AP2S1: variants seen among roughly 807,000 people sequenced by gnomAD.
AP2S1 encodes AP-2 complex subunit sigma.
Under a neutral mutation model 21.0 loss-of-function variants are expected in AP2S1, and 6 were observed. The ratio of observed to expected loss-of-function variants is 0.29; its 90% confidence interval spans 0.16 to 0.56. The LOEUF (loss-of-function observed/expected upper bound fraction) is 0.56, where lower values mean the gene tolerates loss of function less well. AP2S1 is among the 20% of genes least tolerant of loss of function. The pLI is 0.92. For missense variants in AP2S1, 60 were observed against 186.2 expected (o/e 0.32, Z 3.95); for synonymous variants, 63 against 74.6 (o/e 0.84, Z 0.80).
intron 1 of AP2S1, among the ~76,000 whole-genome samples, chr19:46,847,967 G>A (rs1324323504): frequency 1.3e-5 from 2 of 152,124 alleles, no homozygotes; most frequent in African/African-American, 2.4e-5. Flanking sequence ...ATAGGGTAAC[G>A]CTATGTTTAA....
At chr19:46,844,117 G>C (rs1221107609) in intron 2 of AP2S1, among the ~76,000 whole-genome samples, 1 of 151,918 alleles carries the variant, frequency 6.6e-6, no homozygotes, top group Non-Finnish European at 1.5e-5. Flanking sequence ...CATCATGTTG[G>C]TCAGGCTGGT....
chr19:46,850,301 C>A, intron 1 of AP2S1: 1 of 1,237,756 alleles, frequency 8.1e-7, no homozygotes, highest in African/African-American at 1.5e-5. Context: ...GCAATCAGAT[C>A]CTTGTCTCTA....
At chr19:46,844,909 C>T (rs2055598201) in intron 2 of AP2S1, among the ~76,000 whole-genome samples, 1 of 151,336 alleles carries the variant, frequency 6.6e-6, no homozygotes, top group Non-Finnish European at 1.5e-5. Flanking sequence ...CAAGACCAGT[C>T]TGACCAACAT....
chr19:46,849,374 G>A lies in AP2S1; in HGVS notation c.3+1390C>T, dbSNP rs556926496. 2.1e-5 allele frequency among the ~76,000 whole-genome samples: 3 copies of A among 142,966 alleles called. No homozygotes were observed. The East Asian group carries it at 5.9e-4, about 28-fold the overall frequency. 93.8% of individuals were successfully genotyped at this position (142,966 alleles called of 152,430 possible). On this transcript the variant is annotated intron_variant, in intron 1 of 4. Transcript: ENST00000263270. ...CTCCCCCAACCAACCAAACTGGACC[G>A]GAACAGGATGTTACACTCTCCTTCC...
intron 2 of AP2S1, among the ~76,000 whole-genome samples, chr19:46,841,831 G>A (rs1441313444): frequency 6.6e-6 from 1 of 152,178 alleles, no homozygotes; most frequent in African/African-American, 2.4e-5. Flanking sequence ...TGGTTCAGGC[G>A]GGACCAATGT....
At chr19:46,844,443 T>G (rs528392270) in intron 2 of AP2S1, among the ~76,000 whole-genome samples, 14 of 152,290 alleles carry the variant, frequency 9.2e-5, no homozygotes, top group Middle Eastern at 3.4e-3. Flanking sequence ...CCCCGTCAAG[T>G]CCTTCAGGTC....
At chr19:46,842,882 C>T (rs569307485) in intron 2 of AP2S1, among the ~76,000 whole-genome samples, 11 of 152,268 alleles carry the variant, frequency 7.2e-5, no homozygotes, top group African/African-American at 2.6e-4. Flanking sequence ...GTGCTCTCCT[C>T]GGTCTATCCT....
intron 1 of AP2S1, among the ~76,000 whole-genome samples, chr19:46,846,426 C>T (rs2055634933): frequency 6.6e-6 from 1 of 151,342 alleles, no homozygotes; most frequent in East Asian, 1.9e-4. Flanking sequence ...CCTCCACCAC[C>T]TCTTATCTCT....
Position 46,838,540 on chromosome 19 carries a change from C to T in AP2S1, c.336G>A (p.Thr112=), listed in dbSNP as rs752653383. ...CAGCCAGGAACATCTCGTCCACGAC[C>T]GTGTAAACCTGTGTGAGGGGAGACC... is the stretch of plus-strand genomic sequence containing the variant. The part of the protein sequence containing the change: ...DLVFNFYKVY[T]VVDEMFLAGE... The change falls in exon 5 of 5, where the codon ACG becomes ACA. Residue 112 remains threonine, a synonymous_variant. Coordinates refer to ENST00000263270, the MANE Select transcript of AP2S1 (RefSeq NM_004069.6). The surrounding 1 kb of genome is among the most constrained non-coding windows in gnomAD (Gnocchi z 4.1). 6.8e-6 allele frequency: 11 copies of T among 1,614,080 alleles called. No individual in the cohort carries two copies. The highest frequency in any genetic ancestry group is 4.0e-5 in the African/African-American group (3 of 74,942).
intron 1 of AP2S1, chr19:46,849,990 C>T (rs2055709419): frequency 2.7e-6 from 2 of 732,396 alleles, no homozygotes; most frequent in South Asian, 7.1e-5. Flanking sequence ...TAGGGGCACT[C>T]CTAAATCCAA....
chr19:46,850,715 C>A (rs1485310643), intron 1 of AP2S1, 49 bp downstream of exon 1: 1 of 1,475,258 alleles, frequency 6.8e-7, no homozygotes, highest in Non-Finnish European at 9.5e-7. Context: ...CGGCTATTTA[C>A]GCGTGGGCCC....
intron 1 of AP2S1, 104 bp downstream of exon 1, chr19:46,850,660 A>G (rs776621890): frequency 5.4e-6 from 6 of 1,104,420 alleles, no homozygotes; most frequent in African/African-American, 1.6e-5. Context: ...CCTGACCCAG[A>G]CCATCCGCGG....
At chr19:46,839,286 CAAAAAAAAAAAAAAAAAAAAA>C (rs771792607) in intron 3 of AP2S1, among the ~76,000 whole-genome samples, 158 bp downstream of exon 3, 2 of 72,958 alleles carry the variant, frequency 2.7e-5, no homozygotes, top group African/African-American at 5.1e-5. Context: ...GACTCCGTCT[CAAAAAAAAAAAAAAAAAAAAA>C]AAAAAAAAAA....
At chr19:46,849,348 C>T (rs1239469395) in intron 1 of AP2S1, among the ~76,000 whole-genome samples, 1 of 151,080 alleles carries the variant, frequency 6.6e-6, no homozygotes, top group Non-Finnish European at 1.5e-5. Context: ...CTCTATCCTC[C>T]CTCCCCCAAC....
Position 46,847,758 on chromosome 19 carries a change from G to A in AP2S1, c.4-1616C>T, listed in dbSNP as rs889232079. On this transcript the variant is annotated intron_variant, in intron 1 of 4. Transcript: ENST00000263270. ...GACGTTTTCCAGGCTCATCTGTGGG[G>A]TGGCAAGCGGCAGAGCTGCAATTCC... Among the ~76,000 whole-genome samples the A allele has an allele frequency of 1.6e-4, 24 of 152,184 alleles. 1 individual carries two copies. The highest frequency in any genetic ancestry group is 5.5e-4 in the African/African-American group (23 of 41,442).
At chr19:46,839,439 C>CCCCAAAAAAA in intron 3 of AP2S1, 26 bp downstream of exon 3, 9 of 1,569,638 alleles carry the variant, frequency 5.7e-6, no homozygotes, top group South Asian at 1.1e-5. Flanking sequence ...CCCGCCTCCC[C>CCCCAAAAAAA]ACCTTACATC....
chr19:46,846,140 G>A lies in AP2S1; in HGVS notation c.6C>T (p.Ile2=), dbSNP rs977983196. 1.2e-6 allele frequency: 2 copies of A among 1,614,058 alleles called. No individual in the cohort carries two copies. The highest frequency in any genetic ancestry group is 2.2e-5 in the East Asian group (1 of 44,878). M[I]RFILIQNRAG... is the part of the protein sequence containing the mutation. ...CCCGGTTCTGGATGAGGATAAAGCGGATCTGGGGGCAGCAGGAGGAGAAGG... is the reference window on the plus strand; with the variant it reads ...CCCGGTTCTGGATGAGGATAAAGCGAATCTGGGGGCAGCAGGAGGAGAAGG... The change falls in exon 2 of 5, where the codon ATC becomes ATT. Residue 2 remains isoleucine (I), a splice_region_variant and synonymous_variant. Transcript: ENST00000263270.
intron 2 of AP2S1, among the ~76,000 whole-genome samples, chr19:46,845,496 G>A (rs2055616012): frequency 6.6e-6 from 1 of 151,790 alleles, no homozygotes. Context: ...GCCCAGGCTG[G>A]TCTTGAACAC....
At chr19:46,850,640 A>G (rs777481480) in intron 1 of AP2S1, 124 bp downstream of exon 1, 1 of 945,978 alleles carries the variant, frequency 1.1e-6, no homozygotes, top group Admixed American at 2.0e-5. Flanking sequence ...CCCAATCCCC[A>G]GAGCCCGCGC....
Sources: allele counts gnomAD v4.1 joint callset (sites outside exome capture counted in the v4.1 genomes callset), GRCh38; gene constraint gnomAD v4.1.1; non-coding constraint Gnocchi (gnomAD v3.1); transcripts MANE v1.5; gene names NCBI Gene and HGNC (gene_info 2026-07-23, HGNC 2026-07-21).